P2RY2: variants seen among roughly 807,000 people sequenced by gnomAD.
P2RY2 encodes the protein P2Y purinoceptor 2.
For synonymous variants in P2RY2, 241 were observed against 231.9 expected, an observed-to-expected ratio of 1.04 and a Z score of -0.35; for missense variants, 567 against 515.7, an observed-to-expected ratio of 1.10 and a Z score of -0.96.
chr11:73,223,907 G>A (rs1187534192), intron 1 of P2RY2, among the ~76,000 whole-genome samples: 2 of 152,190 alleles, frequency 1.3e-5, no homozygotes, highest in Admixed American at 6.5e-5. Flanking sequence ...CCTCTTTAGA[G>A]GTCTTGGCTT....
intron 1 of P2RY2, among the ~76,000 whole-genome samples, chr11:73,225,124 C>T (rs865808471): frequency 6.6e-6 from 1 of 152,192 alleles, no homozygotes; most frequent in Non-Finnish European, 1.5e-5. Context: ...GGTGACAGCA[C>T]ATTCTCCCCT....
Position 73,234,449 on chromosome 11 carries a change from A to AC in P2RY2, c.292dup (p.His98ProfsTer141). 2 of 1,614,102 alleles carry AC rather than the reference A, an allele frequency of 1.2e-6. No homozygotes were observed. Among genetic ancestry groups the AC allele is most frequent in the Non-Finnish European group, 1.7e-6 (2 of 1,180,028 alleles). On this transcript the variant is annotated frameshift_variant, in exon 3 of 3. Coordinates refer to ENST00000393597, the MANE Select transcript of P2RY2 (RefSeq NM_002564.4). LOFTEE classifies it low-confidence loss of function (END_TRUNC). ...CTGGTCTATTACTACGCCCGCGGCGACCACTGGCCCTTCAGCACGGTGCTC... is the reference window on the plus strand; with the variant it reads ...CTGGTCTATTACTACGCCCGCGGCGACCCACTGGCCCTTCAGCACGGTGCTC...
intron 1 of P2RY2, among the ~76,000 whole-genome samples, chr11:73,226,126 G>A (rs1022548018): frequency 2.0e-5 from 3 of 152,176 alleles, no homozygotes; most frequent in Non-Finnish European, 2.9e-5. Flanking sequence ...GTGCATGTCC[G>A]AGGAATTTCA....
At chr11:73,221,235 C>T (rs1862106477) in intron 1 of P2RY2, among the ~76,000 whole-genome samples, 1 of 152,170 alleles carries the variant, frequency 6.6e-6, no homozygotes, top group Admixed American at 6.5e-5. Context: ...GATGGCTTCA[C>T]TAGTAACGAT....
At chr11:73,229,887 A>C (rs1257461200) in intron 2 of P2RY2, among the ~76,000 whole-genome samples, 1 of 151,968 alleles carries the variant, frequency 6.6e-6, no homozygotes, top group East Asian at 1.9e-4. Flanking sequence ...TCATGGAGGA[A>C]GCCCCCTCCC....
chr11:73,234,329 T>A lies in P2RY2; in HGVS notation c.170T>A (p.Ile57Asn), dbSNP rs1185459232. ...GLCLNAVALY[I>N]FLCRLKTWNA... Reference sequence around the variant, plus strand: ...TGTCTGAACGCCGTGGCGCTCTACATCTTCTTGTGCCGCCTCAAGACCTGG... The same window carrying A: ...TGTCTGAACGCCGTGGCGCTCTACAACTTCTTGTGCCGCCTCAAGACCTGG... Residue 57 changes from isoleucine to asparagine, a missense_variant, in exon 3 of 3, where the codon ATC becomes AAC. Coordinates refer to ENST00000393597, the MANE Select transcript of P2RY2 (RefSeq NM_002564.4). 2 of 1,613,688 alleles carry A rather than the reference T, an allele frequency of 1.2e-6. No individual in the cohort carries two copies. Among genetic ancestry groups the A allele is most frequent in the Non-Finnish European group, 1.7e-6 (2 of 1,179,796 alleles).
At chr11:73,228,255 C>T (rs1862345991) in intron 2 of P2RY2, 80 bp downstream of exon 2, 1 of 152,140 alleles carries the variant, frequency 6.6e-6, no homozygotes, top group African/African-American at 2.4e-5. Flanking sequence ...CTGTGTCTGC[C>T]CTGAACTGGC....
rs141485889 is a variant in P2RY2 at position 73,235,256 on chromosome 11, C to G, written c.1097C>G (p.Pro366Arg). Residue 366 changes from proline (P) to arginine (R), a missense_variant, in exon 3 of 3, where the codon CCG (proline) becomes CGG (arginine). Physicochemically the swap from Pro to Arg is moderately radical, Grantham distance 103 (BLOSUM62 -2). Transcript: ENST00000393597. ...SEDSRRTEST[P>R]AGSENTKDIR... ...GACTCTAGGCGGACAGAGTCCACGC[C>G]GGCTGGTAGCGAGAACACTAAGGAC... The G allele has an allele frequency of 1.6e-4, 258 of 1,585,230 alleles. No individual in the cohort carries two copies. In the African/African-American group the frequency reaches 3.2e-3, roughly 20 times the overall value.
At chr11:73,230,878 G>A (rs1216388873) in intron 2 of P2RY2, among the ~76,000 whole-genome samples, 1 of 126,352 alleles carries the variant, frequency 7.9e-6, no homozygotes, top group Non-Finnish European at 1.6e-5. Context: ...TCAAGTAGGG[G>A]GATGCTTTCT....
intron 1 of P2RY2, among the ~76,000 whole-genome samples, chr11:73,225,700 C>T (rs527587122): frequency 9.8e-6 from 1 of 102,222 alleles, no homozygotes; most frequent in African/African-American, 4.2e-5. Flanking sequence ...TATGAAGCCA[C>T]CTAACACAGA....
intron 2 of P2RY2, among the ~76,000 whole-genome samples, chr11:73,231,344 G>C (rs1405055428): frequency 6.8e-6 from 1 of 147,494 alleles, no homozygotes. Flanking sequence ...TCAGGAATTC[G>C]AGACCAATGT....
In P2RY2 at chr11:73,238,221, C is replaced by A. The variant is rs1276747303; in HGVS notation, c.*2928C>A. 6.6e-6 allele frequency among the ~76,000 whole-genome samples: 1 copy of A among 152,220 alleles called. No homozygotes were observed. Among genetic ancestry groups the A allele is most frequent in the Non-Finnish European group, 1.5e-5 (1 of 68,040 alleles). ...GGGTGACTGGGATGGAGCCATAGACCTGAGGCCAGGGACAGGACAGGGATG... is the reference window on the plus strand; with the variant it reads ...GGGTGACTGGGATGGAGCCATAGACATGAGGCCAGGGACAGGACAGGGATG... On this transcript the variant is annotated 3_prime_UTR_variant, in exon 3 of 3. Coordinates refer to ENST00000393597, the MANE Select transcript of P2RY2 (RefSeq NM_002564.4).
rs530700170 is a variant in P2RY2 at position 73,241,061 on chromosome 11, G to T, written c.*5768G>T. 3 of 152,336 alleles carry T rather than the reference G, an allele frequency of 2.0e-5. No individual in the cohort carries two copies. Among genetic ancestry groups the T allele is most frequent in the Non-Finnish European group, 2.9e-5 (2 of 68,076 alleles). 9.4% of individuals were successfully genotyped at this position (152,336 alleles called of 1,614,324 possible). A position where few individuals can be genotyped will look rare whatever the true frequency, so the allele number is the denominator to read the frequency against. ...TAGTGCCCTTACAGAATGGACCCCA[G>T]AGAGCTCCTCACCCTCTTTCCACCA... is the stretch of plus-strand genomic sequence containing the variant. On this transcript the variant is annotated 3_prime_UTR_variant, in exon 3 of 3. Transcript: ENST00000393597.
rs542690634 is a variant in P2RY2, at chr11:73,234,451, C to G, written c.292C>G (p.His98Asp). The G allele has an allele frequency of 6.2e-7, 1 of 1,614,026 alleles. No individual in the cohort carries two copies. Among genetic ancestry groups the G allele is most frequent in the Admixed American group, 1.7e-5 (1 of 60,010 alleles). The change falls in exon 3 of 3, where the codon CAC becomes GAC. Residue 98 changes from histidine (H) to aspartate (D), a missense_variant. Coordinates refer to ENST00000393597, the MANE Select transcript of P2RY2 (RefSeq NM_002564.4). ...LLVYYYARGDHWPFSTVLCKL... is the reference protein window; with the variant it reads ...LLVYYYARGDDWPFSTVLCKL... ...GGTCTATTACTACGCCCGCGGCGAC[C>G]ACTGGCCCTTCAGCACGGTGCTCTG... is the stretch of plus-strand genomic sequence containing the variant.
chr11:73,240,860 C>T lies in P2RY2; in HGVS notation c.*5567C>T, dbSNP rs563256967. ...CCAGTGCAGGGGCCTGACCTTAAAC[C>T]CTTTCTCCCCACTGAGTCCCATTTT... On this transcript the variant is annotated 3_prime_UTR_variant, in exon 3 of 3. Transcript: ENST00000393597. The T allele has an allele frequency of 6.6e-6, 1 of 152,226 alleles. No homozygotes were observed. Among genetic ancestry groups the T allele is most frequent in the Non-Finnish European group, 1.5e-5 (1 of 68,080 alleles). 9.4% of individuals were successfully genotyped at this position (152,226 alleles called of 1,614,324 possible). A position where few individuals can be genotyped will look rare whatever the true frequency, so the allele number is the denominator to read the frequency against.
At chr11:73,221,926 A>AG (rs1278937125) in intron 1 of P2RY2, among the ~76,000 whole-genome samples, 1 of 138,534 alleles carries the variant, frequency 7.2e-6, no homozygotes, top group Non-Finnish European at 1.5e-5. Flanking sequence ...ATGGAGTAGA[A>AG]GGGGAGGCTT....
intron 1 of P2RY2, among the ~76,000 whole-genome samples, chr11:73,220,266 C>A (rs1052941832): frequency 6.6e-6 from 1 of 152,184 alleles, no homozygotes; most frequent in South Asian, 2.1e-4. Context: ...AGGCTAAAGA[C>A]CTAGAGATTT....
At chr11:73,228,768 C>T (rs1478107667) in intron 2 of P2RY2, among the ~76,000 whole-genome samples, 1 of 152,172 alleles carries the variant, frequency 6.6e-6, no homozygotes, top group Non-Finnish European at 1.5e-5. Flanking sequence ...AACCTTTAAG[C>T]ATTTTTGTCC....
At chr11:73,220,444 G>C (rs1333659521) in intron 1 of P2RY2, among the ~76,000 whole-genome samples, 2 of 152,192 alleles carry the variant, frequency 1.3e-5, no homozygotes, top group Non-Finnish European at 2.9e-5. Flanking sequence ...ACTGTCCCAG[G>C]AGTTGTTTGA....
Sources: gnomAD v4.1 joint callset for allele counts (sites outside exome capture counted in the v4.1 genomes callset) on GRCh38, gnomAD v4.1.1 for gene constraint, MANE v1.5 for transcripts, NCBI Gene and HGNC (gene_info 2026-07-23, HGNC 2026-07-21) for gene names.